Variants in LRRIQ1 observed in about 807,000 individuals in gnomAD.
The protein encoded by LRRIQ1 is leucine-rich repeat- and IQ domain-containing protein 1.
A neutral mutation model predicts 211.9 loss-of-function variants in LRRIQ1; 210 were observed. The observed-to-expected ratio is 0.99, with a 90% CI of 0.89 to 1.11. The LOEUF (loss-of-function observed/expected upper bound fraction) is 1.11, where lower values mean the gene tolerates loss of function less well. Ranked by LOEUF, LRRIQ1 falls within the 50% of genes most tolerant of loss-of-function variation. The pLI, the probability that LRRIQ1 is intolerant of heterozygous loss-of-function variation, is 0.00. For synonymous variants in LRRIQ1, 699 were observed against 650.1 expected, an observed-to-expected ratio of 1.08 and a Z score of -1.14; for missense variants, 2,136 against 1,939.5, an observed-to-expected ratio of 1.10 and a Z score of -1.90.
chr12:85,065,397 A>G lies in LRRIQ1; in HGVS notation c.2527A>G (p.Lys843Glu). 1 of 1,608,844 alleles carries G rather than the reference A, an allele frequency of 6.2e-7. No homozygotes were observed. Among genetic ancestry groups the G allele is most frequent in the Non-Finnish European group, 8.5e-7 (1 of 1,177,008 alleles). The change falls in exon 9 of 27, where the codon AAG becomes GAG. Residue 843 changes from lysine to glutamate, a missense_variant. Physicochemically the swap from Lys to Glu is moderately conservative, Grantham distance 56. Coordinates refer to ENST00000393217, the MANE Select transcript of LRRIQ1 (RefSeq NM_001079910.2). ...LHSLSNCKKL[K>E]YIDAQENHIE... ...CAGCCTGAGTAATTGTAAAAAACTT[A>G]AGTACATTGATGCACAGGTATGCTC...
In LRRIQ1 at chr12:85,223,378, GAA is replaced by G. The variant is rs577949409; in HGVS notation, c.4823-6132_4823-6131del. Among the ~76,000 whole-genome samples, 485 of 151,768 alleles carry G rather than the reference GAA, an allele frequency of 3.2e-3. 5 individuals carry two copies. Among genetic ancestry groups the G allele is most frequent in the African/African-American group, 0.011 (447 of 41,434 alleles). ...ATGTCTGGTGTCCCAAAGACCTGCA[GAA>G]AAAAAAGAGTTGTAAGACAAAGGAA... is the stretch of plus-strand genomic sequence containing the variant. On this transcript the variant is annotated intron_variant, in intron 24 of 26. Coordinates refer to ENST00000393217, the MANE Select transcript of LRRIQ1 (RefSeq NM_001079910.2).
chr12:85,264,255 T>C (rs981733887), exon 2 of LRRIQ1: 2 of 152,030 alleles, frequency 1.3e-5, no homozygotes, highest in African/African-American at 4.8e-5. Context: ...ATAAAGAAGA[T>C]GTAGATTCAT....
chr12:85,190,403 A>G (rs192499945), intron 24 of LRRIQ1, among the ~76,000 whole-genome samples: 2 of 147,080 alleles, frequency 1.4e-5, no homozygotes, highest in Non-Finnish European at 3.0e-5. Flanking sequence ...ATCATTAACT[A>G]TAACTATACA....
chr12:85,056,970 C>T lies in LRRIQ1; in HGVS notation c.2177C>T (p.Thr726Ile). ...HENAPEPDSM[T>I]CCVSESTLLY... Reference sequence around the variant, plus strand: ...AATGCACCTGAACCTGATAGCATGACCTGCTGTGTATCAGAGTCAACCCTT... The same window carrying T: ...AATGCACCTGAACCTGATAGCATGATCTGCTGTGTATCAGAGTCAACCCTT... Residue 726 changes from threonine (T) to isoleucine (I), a missense_variant, in exon 8 of 27, where the codon ACC (threonine) becomes ATC (isoleucine). Thr to Ile is a moderately conservative substitution (Grantham distance 89). Transcript: ENST00000393217. 1 of 1,611,240 alleles carries T rather than the reference C, an allele frequency of 6.2e-7. No homozygotes were observed.
At chr12:85,071,461 A>G (rs1021530153) in intron 10 of LRRIQ1, among the ~76,000 whole-genome samples, 5 of 151,960 alleles carry the variant, frequency 3.3e-5, no homozygotes, top group African/African-American at 9.7e-5. Context: ...ATGGTTTCCA[A>G]TCTTCCATAT....
chr12:85,055,781 C>T lies in LRRIQ1; in HGVS notation c.988C>T (p.Gln330Ter). The T allele has an allele frequency of 6.3e-7, 1 of 1,587,110 alleles. No homozygotes were observed. The highest frequency in any genetic ancestry group is 1.1e-5 in the South Asian group (1 of 88,794). ...GAAGGAAAAGGAAGCAAAAATACGA[C>T]AAAAGGAGGAAGAAAATCGAAAAAG... Reference protein sequence around the residue: ...EWKEKEAKIRQKEEENRKRLE... With the variant: ...EWKEKEAKIR Residue 330 changes from glutamine (Q) to a stop codon, truncating the protein, a stop_gained, in exon 8 of 27, where the codon CAA becomes TAA. Coordinates refer to ENST00000393217, the MANE Select transcript of LRRIQ1 (RefSeq NM_001079910.2). LOFTEE classifies it high-confidence loss of function.
intron 14 of LRRIQ1, among the ~76,000 whole-genome samples, chr12:85,104,568 T>C (rs933200718): frequency 3.3e-5 from 5 of 151,950 alleles, no homozygotes; most frequent in African/African-American, 9.7e-5. Flanking sequence ...TTCCTTTTTT[T>C]CTACAACTTT....
intron 11 of LRRIQ1, among the ~76,000 whole-genome samples, chr12:85,097,640 A>G (rs1237563978): frequency 6.6e-6 from 1 of 152,144 alleles, no homozygotes; most frequent in Non-Finnish European, 1.5e-5. Context: ...CACCTACAGA[A>G]AAAAATGCAT....
At chr12:85,198,804 G>A (rs1342892648) in intron 24 of LRRIQ1, among the ~76,000 whole-genome samples, 3 of 152,034 alleles carry the variant, frequency 2.0e-5, no homozygotes, top group Non-Finnish European at 4.4e-5. Flanking sequence ...TGCTGACCTC[G>A]TGATCCACCC....
chr12:85,257,076 ATATATAATTATAT>A (rs1251390799), intron 1 of LRRIQ1, among the ~76,000 whole-genome samples: 2 of 113,440 alleles, frequency 1.8e-5, no homozygotes, highest in Non-Finnish European at 3.5e-5. Context: ...TTATATAAAT[ATATATAATTATAT>A]TATATAATTA....
rs1290519230 is a variant in LRRIQ1 at position 85,124,297 on chromosome 12, A to C, written c.3785A>C (p.Asp1262Ala). The change falls in exon 17 of 27, where the codon GAT becomes GCT. Residue 1262 changes from aspartate (D) to alanine (A), a missense_variant. By Grantham distance (126) the Asp-to-Ala change is moderately radical. Transcript: ENST00000393217. ...CAREGEPDSP[D>A]IPEKWMDSVS... ...CGTGAAGGTGAGCCAGACTCACCAGATATTCCTGAGAAATGGATGGACTCT... is the reference window on the plus strand; with the variant it reads ...CGTGAAGGTGAGCCAGACTCACCAGCTATTCCTGAGAAATGGATGGACTCT... 6.2e-7 allele frequency: 1 copy of C among 1,613,982 alleles called. No individual in the cohort carries two copies. Among genetic ancestry groups the C allele is most frequent in the Non-Finnish European group, 8.5e-7 (1 of 1,180,020 alleles).
rs199557984 is a variant in LRRIQ1, at chr12:85,132,306, AAG to A, written c.4209+4278_4209+4279del. Among the ~76,000 whole-genome samples the A allele has an allele frequency of 3.7e-4, 56 of 152,208 alleles. 2 individuals carry two copies. The East Asian group carries it at 9.3e-3, about 25-fold the overall frequency. On this transcript the variant is annotated intron_variant, in intron 18 of 26. Transcript: ENST00000393217. ...CTCAGGAAAAAAGATAATCAAGAGAAAGAGAGCATGTTTCCCTGATTCTTGGA... is the reference window on the plus strand; with the variant it reads ...CTCAGGAAAAAAGATAATCAAGAGAAAGAGCATGTTTCCCTGATTCTTGGA...
At chr12:85,040,456 C>A in intron 2 of LRRIQ1, 34 bp from the exon 3 acceptor site, 1 of 1,307,516 alleles carries the variant, frequency 7.6e-7, no homozygotes, top group South Asian at 1.5e-5. Context: ...ATAATAAACA[C>A]TTTCACAGTT....
At chr12:85,271,268 A>G in the LRRIQ1 span, among the ~76,000 whole-genome samples, 4 of 152,164 alleles carry the variant, frequency 2.6e-5, no homozygotes, top group Middle Eastern at 3.2e-3. Flanking sequence ...GTTCAGTGCA[A>G]CTGAATGTGA....
chr12:85,252,422 GA>G (rs1222527456), intron 1 of LRRIQ1, among the ~76,000 whole-genome samples: 1 of 151,840 alleles, frequency 6.6e-6, no homozygotes, highest in Non-Finnish European at 1.5e-5. Flanking sequence ...GCTAGTTATA[GA>G]CCAACAGATA....
At chr12:85,270,975 G>T in the LRRIQ1 span, among the ~76,000 whole-genome samples, 2 of 152,126 alleles carry the variant, frequency 1.3e-5, no homozygotes, top group African/African-American at 2.4e-5. Context: ...AGCCAAACTT[G>T]CTTATCTGTA....
intron 1 of LRRIQ1, among the ~76,000 whole-genome samples, chr12:85,257,101 A>C (rs1324305206): frequency 1.8e-5 from 2 of 113,546 alleles, no homozygotes; most frequent in African/African-American, 6.5e-5. Flanking sequence ...ATATAATTAT[A>C]TAAATATATA....
chr12:85,148,066 A>G (rs527927061), intron 19 of LRRIQ1, among the ~76,000 whole-genome samples: 322 of 151,972 alleles, frequency 2.1e-3, no homozygotes, highest in Non-Finnish European at 3.5e-3. Flanking sequence ...TCAATACATA[A>G]GTAATAAGTA....
chr12:85,239,758 A>G (rs1895379609), intron 26 of LRRIQ1, among the ~76,000 whole-genome samples: 1 of 152,030 alleles, frequency 6.6e-6, no homozygotes, highest in African/African-American at 2.4e-5. Context: ...CAGGTGGATC[A>G]TTTGAGGCCA....
Sources: gnomAD v4.1 joint callset for allele counts (sites outside exome capture counted in the v4.1 genomes callset) on GRCh38, gnomAD v4.1.1 for gene constraint, MANE v1.5 for transcripts, NCBI Gene and HGNC (gene_info 2026-07-23, HGNC 2026-07-21) for gene names.